The following ASPG variants were observed in gnomAD, a reference collection of about 807,000 sequenced individuals.
ASPG encodes the protein 60 kDa lysophospholipase.
ASPG carries 53 observed loss-of-function variants against 63.2 expected under a neutral mutation model. That is an observed-to-expected ratio of 0.84 (90% confidence interval 0.67 to 1.05). The LOEUF (loss-of-function observed/expected upper bound fraction) is 1.05. ASPG is among the 50% of genes least tolerant of loss of function. The pLI, the probability that ASPG is intolerant of heterozygous loss-of-function variation, is 0.00. For synonymous variants in ASPG, 370 were observed against 355.0 expected (o/e 1.04, Z -0.48); for missense variants, 741 against 794.4 (o/e 0.93, Z 0.81).
chr14:104,090,508 G>A (rs1212299318), intron 1 of ASPG, among the ~76,000 whole-genome samples: 3 of 152,262 alleles, frequency 2.0e-5, no homozygotes, highest in Non-Finnish European at 4.4e-5. Context: ...GTTTCCCCGG[G>A]CTGAGCCAAG....
Position 104,114,677 on chromosome 14 carries a change from G to A in ASPG, c.*2133G>A, listed in dbSNP as rs1290160109. On this transcript the variant is annotated 3_prime_UTR_variant, in exon 16 of 16. Coordinates refer to ENST00000551177, the MANE Select transcript of ASPG (RefSeq NM_001080464.3). ...GAGCTGGGCAGTGACCTGGCCCCAA[G>A]GCCTCTGGCTCTCTGGCGTGCAGTG... is the stretch of plus-strand genomic sequence containing the variant. 3 of 152,468 alleles carry A rather than the reference G, an allele frequency of 2.0e-5. 1 individual carries two copies. The highest frequency in any genetic ancestry group is 4.8e-5 in the African/African-American group (2 of 41,458). 9.4% of individuals were successfully genotyped at this position (152,468 alleles called of 1,614,324 possible).
chr14:104,111,132 T>C lies in ASPG; in HGVS notation c.1521-370T>C, dbSNP rs893003649. On this transcript the variant is annotated intron_variant, in intron 13 of 15. Transcript: ENST00000551177. Reference sequence around the variant, plus strand: ...CGGCAGGTGGGCGTGCATATGTGTGTGCAAAGGCGCATGTGCTCATGTGTG... The same window carrying C: ...CGGCAGGTGGGCGTGCATATGTGTGCGCAAAGGCGCATGTGCTCATGTGTG... 62 of 985,400 alleles carry C rather than the reference T, an allele frequency of 6.3e-5. No homozygotes were observed. In the African/African-American group the frequency reaches 1.0e-3, roughly 16 times the overall value. The allele number at this position is 985,400 out of a possible 1,614,324, so 61.0% of individuals were successfully genotyped here.
intron 15 of ASPG, 143 bp downstream of exon 15, chr14:104,112,143 C>A (rs2037401523): frequency 2.6e-6 from 2 of 759,136 alleles, no homozygotes; most frequent in South Asian, 1.8e-5. Flanking sequence ...GTCTGCAGAG[C>A]CCCTCCTGGG....
intron 6 of ASPG, 128 bp downstream of exon 6, chr14:104,099,107 G>A: frequency 1.4e-6 from 2 of 1,422,460 alleles, no homozygotes; most frequent in Middle Eastern, 2.5e-4. Flanking sequence ...GACTTGCCCT[G>A]GCTTGGTTCT....
At chr14:104,103,076 G>T (rs2036950192) in intron 6 of ASPG, among the ~76,000 whole-genome samples, 1 of 152,262 alleles carries the variant, frequency 6.6e-6, no homozygotes, top group Admixed American at 6.5e-5. Context: ...GGCAGAGGAG[G>T]CTGGCTGGTT....
At chr14:104,108,642 C>T (rs1374488536) in intron 12 of ASPG, 31 of 985,340 alleles carry the variant, frequency 3.1e-5, no homozygotes, top group South Asian at 4.7e-5. Flanking sequence ...GTGTGGCCTC[C>T]GGCCTCGGGC....
At chr14:104,106,476 G>A (rs532846314) in intron 10 of ASPG, among the ~76,000 whole-genome samples, 3 of 152,306 alleles carry the variant, frequency 2.0e-5, no homozygotes, top group Non-Finnish European at 2.9e-5. Context: ...CCGTCCCGAC[G>A]GCGGTGGGAG....
In ASPG at chr14:104,085,727, C is replaced by G; in HGVS notation, c.-44C>G. Reference sequence around the variant, plus strand: ...TCCCTGAGTCCCGCAGGCCCTGCGTCCCCGCTGCACACCCCCGTCCACTCC... The same window carrying G: ...TCCCTGAGTCCCGCAGGCCCTGCGTGCCCGCTGCACACCCCCGTCCACTCC... On this transcript the variant is annotated 5_prime_UTR_variant, in exon 1 of 16. Coordinates refer to ENST00000551177, the MANE Select transcript of ASPG (RefSeq NM_001080464.3). 4 of 1,491,840 alleles carry G rather than the reference C, an allele frequency of 2.7e-6. No individual in the cohort carries two copies. The highest frequency in any genetic ancestry group is 3.5e-6 in the Non-Finnish European group (4 of 1,127,814). The allele number at this position is 1,491,840 out of a possible 1,614,324, so 92.4% of individuals were successfully genotyped here.
chr14:104,105,314 G>T lies in ASPG; in HGVS notation c.1051-14G>T. 6.2e-7 allele frequency: 1 copy of T among 1,612,584 alleles called. No homozygotes were observed. The highest frequency in any genetic ancestry group is 8.5e-7 in the Non-Finnish European group (1 of 1,179,740). The stretch of plus-strand genomic sequence containing the variant: ...GCCCTGGCAGAGCCACTTCACCTCT[G>T]TTCTCTCCACCAGCTGCTGACCAAG... On this transcript the variant is annotated splice_polypyrimidine_tract_variant and intron_variant, in intron 9 of 15. Transcript: ENST00000551177.
At chr14:104,100,721 C>T (rs908287409) in intron 6 of ASPG, among the ~76,000 whole-genome samples, 2 of 152,320 alleles carry the variant, frequency 1.3e-5, no homozygotes, top group Admixed American at 6.5e-5. Context: ...ACTTGCTCAC[C>T]GAGGGCCAGG....
In ASPG at chr14:104,095,621, A is replaced by C; in HGVS notation, c.394A>C (p.Asn132His). ...AASMLSFMLENLQKTVILTGA... is the reference protein window; with the variant it reads ...AASMLSFMLEHLQKTVILTGA... ...CTCGATGCTGTCCTTCATGCTGGAG[A>C]ACCTGCAGAAGACTGTCATCCTCAC... The change falls in exon 4 of 16, where the codon AAC becomes CAC. Residue 132 changes from asparagine to histidine, a missense_variant. Transcript: ENST00000551177. The C allele has an allele frequency of 6.2e-7, 1 of 1,613,006 alleles. No homozygotes were observed. Among genetic ancestry groups the C allele is most frequent in the Non-Finnish European group, 8.5e-7 (1 of 1,179,818 alleles).
At chr14:104,094,592 CCCCTG>C (rs1317099434) in intron 3 of ASPG, among the ~76,000 whole-genome samples, 2 of 152,188 alleles carry the variant, frequency 1.3e-5, no homozygotes, top group African/African-American at 4.8e-5. Context: ...ACCCCCTGCT[CCCCTG>C]AGTGGGAACA....
At chr14:104,097,478 T>A (rs2141003387) in intron 4 of ASPG, 76 bp from the exon 5 acceptor site, 1 of 1,425,088 alleles carries the variant, frequency 7.0e-7, no homozygotes, top group East Asian at 2.5e-5. Flanking sequence ...CCTGGGGGTT[T>A]ACCTGGAGAG....
chr14:104,107,602 T>G (rs1596107199), intron 12 of ASPG, among the ~76,000 whole-genome samples: 1 of 150,904 alleles, frequency 6.6e-6, no homozygotes, highest in African/African-American at 2.4e-5. Context: ...GGGGTGGAGG[T>G]GGGGCAGAAG....
chr14:104,110,859 A>C lies in ASPG; in HGVS notation c.1521-643A>C. On this transcript the variant is annotated intron_variant, in intron 13 of 15. Transcript: ENST00000551177. The surrounding 1 kb of genome is among the most constrained non-coding windows in gnomAD (Gnocchi z 4.7). ...AGTGAGTTCTTCCCAGGAGGGTGGCAGGGTGAGGAGGAGCTGGTGAGGGCC... is the reference window on the plus strand; with the variant it reads ...AGTGAGTTCTTCCCAGGAGGGTGGCCGGGTGAGGAGGAGCTGGTGAGGGCC... 2.0e-6 allele frequency: 2 copies of C among 985,350 alleles called. No homozygotes were observed. Among genetic ancestry groups the C allele is most frequent in the Non-Finnish European group, 2.4e-6 (2 of 829,902 alleles). 61.0% of individuals were successfully genotyped at this position (985,350 alleles called of 1,614,324 possible).
intron 14 of ASPG, 159 bp downstream of exon 14, chr14:104,111,760 C>T (rs2037391050): frequency 1.1e-6 from 1 of 933,320 alleles, no homozygotes; most frequent in Non-Finnish European, 1.6e-6. Flanking sequence ...GGGTCCCCTT[C>T]CCGGGGCTCT....
At chr14:104,103,210 C>T (rs927903774) in intron 6 of ASPG, among the ~76,000 whole-genome samples, 2 of 152,244 alleles carry the variant, frequency 1.3e-5, no homozygotes, top group African/African-American at 4.8e-5. Flanking sequence ...AAGACACAGC[C>T]GGGCCTCCAT....
chr14:104,101,189 C>T (rs934551182), intron 6 of ASPG, among the ~76,000 whole-genome samples: 12 of 152,282 alleles, frequency 7.9e-5, no homozygotes, highest in Admixed American at 2.0e-4. Flanking sequence ...GCCGGGCTGC[C>T]GGGCCGGTTC....
In ASPG at chr14:104,104,660, G is replaced by A. The variant is rs368696644; in HGVS notation, c.975G>A (p.Met325Ile). ...AGAGVISGFD[M>I]TSEAALAKLS... ...CCGGCGTCATCTCAGGCTTCGACAT[G>A]ACATCGGAGGCCGCCCTGGCCAAGC... The change falls in exon 9 of 16, where the codon ATG (methionine) becomes ATA (isoleucine). Residue 325 changes from methionine to isoleucine, a missense_variant. Coordinates refer to ENST00000551177, the MANE Select transcript of ASPG (RefSeq NM_001080464.3). The A allele has an allele frequency of 1.9e-6, 3 of 1,610,926 alleles. No homozygotes were observed. The highest frequency in any genetic ancestry group is 2.5e-6 in the Non-Finnish European group (3 of 1,178,884).
Sources: gnomAD v4.1 joint callset for allele counts (sites outside exome capture counted in the v4.1 genomes callset) on GRCh38, gnomAD v4.1.1 for gene constraint, Gnocchi (gnomAD v3.1) non-coding constraint, MANE v1.5 for transcripts, NCBI Gene and HGNC (gene_info 2026-07-23, HGNC 2026-07-21) for gene names.